Variants in ATXN7L1 observed in about 807,000 individuals in gnomAD.
ATXN7L1 encodes the protein ataxin 7 like 1.
Under a neutral mutation model 70.8 loss-of-function variants are expected in ATXN7L1, and 15 were observed. The observed-to-expected ratio is 0.21, with a 90% confidence interval of 0.14 to 0.33. ATXN7L1 has a LOEUF of 0.33. Among genes scored for constraint, ATXN7L1 ranks in the 10% least tolerant of loss-of-function variants. The pLI, the probability that ATXN7L1 is intolerant of heterozygous loss-of-function variation, is 1.00. For missense variants in ATXN7L1, 975 were observed against 1,097.1 expected, an observed-to-expected ratio of 0.89 and a Z score of 1.57; for synonymous variants, 440 against 445.1, an observed-to-expected ratio of 0.99 and a Z score of 0.14.
chr7:105,678,961 G>T, intron 3 of ATXN7L1: 3 of 634,592 alleles, frequency 4.7e-6, no homozygotes, highest in Non-Finnish European at 5.9e-6. Context: ...TGGGCTGCCA[G>T]CATGATCTGC....
chr7:105,772,178 ATTC>A (rs1303577078), intron 3 of ATXN7L1, among the ~76,000 whole-genome samples: 1 of 146,942 alleles, frequency 6.8e-6, no homozygotes, highest in East Asian at 2.0e-4. Flanking sequence ...GGTTCAAGCG[ATTC>A]TCCTGCCTCA....
rs1388420732 is a variant in ATXN7L1, at chr7:105,624,274, G to A, written c.1203-7C>T. 3 of 1,393,216 alleles carry A rather than the reference G, an allele frequency of 2.2e-6. No individual in the cohort carries two copies. Among genetic ancestry groups the A allele is most frequent in the East Asian group, 5.7e-5 (2 of 34,934 alleles). 86.3% of individuals were successfully genotyped at this position (1,393,216 alleles called of 1,614,324 possible). A position where few individuals can be genotyped will look rare whatever the true frequency, so the allele number is the denominator to read the frequency against. ...GCTATTTGCAGATGATGGTCTAAGGGCAAGAGCGGAGAACAAACAAAATAA... is the reference window on the plus strand; with the variant it reads ...GCTATTTGCAGATGATGGTCTAAGGACAAGAGCGGAGAACAAACAAAATAA... On this transcript the variant is annotated splice_region_variant and splice_polypyrimidine_tract_variant and intron_variant, in intron 7 of 11. Coordinates refer to ENST00000419735, the MANE Select transcript of ATXN7L1 (RefSeq NM_020725.2).
At chr7:105,613,293 G>A (rs938299558) in intron 10 of ATXN7L1, among the ~76,000 whole-genome samples, 1 of 152,164 alleles carries the variant, frequency 6.6e-6, no homozygotes, top group Non-Finnish European at 1.5e-5. Flanking sequence ...TTTTCTTTAG[G>A]AAGGAAAGAA....
At chr7:105,786,742 T>C (rs533512623) in intron 3 of ATXN7L1, among the ~76,000 whole-genome samples, 1 of 151,748 alleles carries the variant, frequency 6.6e-6, no homozygotes, top group African/African-American at 2.4e-5. Flanking sequence ...CTCAAACTCT[T>C]GGCCTCAAGT....
At chr7:105,665,702 T>C (rs989814995) in intron 3 of ATXN7L1, among the ~76,000 whole-genome samples, 1 of 152,110 alleles carries the variant, frequency 6.6e-6, no homozygotes, top group African/African-American at 2.4e-5. Flanking sequence ...GCAGGACTCT[T>C]AACAAACAGG....
intron 3 of ATXN7L1, chr7:105,761,182 G>T (rs1304906677): frequency 1.5e-6 from 2 of 1,323,140 alleles, no homozygotes; most frequent in Admixed American, 3.7e-5. Flanking sequence ...AACCCCACAG[G>T]TACCCCCTGC....
At chr7:105,874,123 CAAAAA>C (rs766696244) in intron 2 of ATXN7L1, among the ~76,000 whole-genome samples, 8 of 72,002 alleles carry the variant, frequency 1.1e-4, no homozygotes, top group South Asian at 4.8e-4. Flanking sequence ...GAATCCGTAT[CAAAAA>C]AAAAAAAAAA....
chr7:105,873,694 T>C (rs1269452048), intron 2 of ATXN7L1, among the ~76,000 whole-genome samples: 1 of 152,224 alleles, frequency 6.6e-6, no homozygotes, highest in Non-Finnish European at 1.5e-5. Context: ...CAAGTTACAC[T>C]GAACAGTGGG....
intron 3 of ATXN7L1, among the ~76,000 whole-genome samples, chr7:105,673,100 A>G (rs1804025549): frequency 6.6e-6 from 1 of 152,216 alleles, no homozygotes; most frequent in Admixed American, 6.5e-5. Flanking sequence ...AAAATCTGAT[A>G]GGCGCGGGGA....
At chr7:105,641,871 C>G (rs1027966484) in intron 5 of ATXN7L1, among the ~76,000 whole-genome samples, 3 of 152,218 alleles carry the variant, frequency 2.0e-5, no homozygotes, top group Non-Finnish European at 4.4e-5. Flanking sequence ...AAAAGAGTTA[C>G]AGATGAAAGA....
intron 2 of ATXN7L1, among the ~76,000 whole-genome samples, chr7:105,874,617 T>C (rs1056272279): frequency 6.6e-6 from 1 of 152,278 alleles, no homozygotes; most frequent in Non-Finnish European, 1.5e-5. Context: ...AGAAACATTA[T>C]GCTAGGGAAC....
At chr7:105,860,292 G>A (rs1174247047) in intron 2 of ATXN7L1, among the ~76,000 whole-genome samples, 3 of 151,876 alleles carry the variant, frequency 2.0e-5, no homozygotes, top group Non-Finnish European at 2.9e-5. Flanking sequence ...AGAGAATGGT[G>A]CAGAGTGGGG....
chr7:105,689,229 A>G (rs1790410071), intron 3 of ATXN7L1, among the ~76,000 whole-genome samples: 1 of 152,162 alleles, frequency 6.6e-6, no homozygotes, highest in Non-Finnish European at 1.5e-5. Context: ...CCCCGGATCA[A>G]TTAAGTTTAA....
intron 3 of ATXN7L1, among the ~76,000 whole-genome samples, chr7:105,719,260 C>A (rs1794918182): frequency 6.6e-6 from 1 of 152,148 alleles, no homozygotes; most frequent in Admixed American, 6.5e-5. Flanking sequence ...CTTGATTTTC[C>A]TCCTGGGAGC....
At chr7:105,695,236 G>A (rs1344281776) in intron 3 of ATXN7L1, among the ~76,000 whole-genome samples, 1 of 152,056 alleles carries the variant, frequency 6.6e-6, no homozygotes, top group East Asian at 1.9e-4. Context: ...GCAGTGAGCC[G>A]AGATCACACC....
intron 2 of ATXN7L1, among the ~76,000 whole-genome samples, chr7:105,866,314 G>A (rs1477060543): frequency 1.3e-5 from 2 of 152,098 alleles, no homozygotes; most frequent in East Asian, 1.9e-4. Flanking sequence ...GTGCCACTTC[G>A]TCCTGCCCTG....
intron 3 of ATXN7L1, among the ~76,000 whole-genome samples, chr7:105,733,545 TCCA>T (rs1796861564): frequency 2.3e-5 from 3 of 128,758 alleles, no homozygotes; most frequent in Non-Finnish European, 3.3e-5. Context: ...CATCCACCCA[TCCA>T]TCCATCCACC....
chr7:105,626,098 A>G (rs182706886), intron 7 of ATXN7L1, among the ~76,000 whole-genome samples: 2 of 152,378 alleles, frequency 1.3e-5, no homozygotes, highest in East Asian at 3.9e-4. Flanking sequence ...CCAAAAGTAT[A>G]GTCACTTAAA....
intron 3 of ATXN7L1, among the ~76,000 whole-genome samples, chr7:105,685,162 T>C (rs1446408480): frequency 6.6e-6 from 1 of 152,056 alleles, no homozygotes; most frequent in Admixed American, 6.5e-5. Context: ...CTGTAATCTA[T>C]AGAAGGAGCA....
Sources: gnomAD v4.1 joint callset for allele counts (sites outside exome capture counted in the v4.1 genomes callset) on GRCh38, gnomAD v4.1.1 for gene constraint, MANE v1.5 for transcripts, NCBI Gene and HGNC (gene_info 2026-07-23, HGNC 2026-07-21) for gene names.